EIF3CL: variants seen among roughly 807,000 people sequenced by gnomAD.
EIF3CL encodes eukaryotic translation initiation factor 3 subunit C like.
For synonymous variants in EIF3CL, 2 were observed against 19.6 expected (o/e 0.10, Z 2.37); for missense variants, 5 against 56.1 (o/e 0.09, Z 2.91).
intron 15 of EIF3CL, among the ~76,000 whole-genome samples, chr16:28,386,840 TACACACACACCCCCTAAAAGAG>T: frequency 4.7e-5 from 2 of 42,574 alleles, no homozygotes; most frequent in Non-Finnish European, 4.3e-5. Flanking sequence ...CCCTAAAAGA[TACACACACACCCCCTAAAAGAG>T]ACACACACAC....
chr16:28,415,541 G>C, the EIF3CL span, among the ~76,000 whole-genome samples: 5 of 136,932 alleles, frequency 3.7e-5, 1 homozygote, highest in African/African-American at 1.4e-4. Context: ...CTTGAGGTCA[G>C]AAGTTGAAGA....
the EIF3CL span, among the ~76,000 whole-genome samples, chr16:28,417,821 T>G: frequency 1.4e-5 from 1 of 70,414 alleles, no homozygotes; most frequent in African/African-American, 5.3e-5. Context: ...AATAAAAAAA[T>G]AAATTTAAAA....
chr16:28,403,088 A>G (rs1167960079), intron 2 of EIF3CL, among the ~76,000 whole-genome samples: 3 of 145,220 alleles, frequency 2.1e-5, no homozygotes, highest in African/African-American at 5.0e-5. Context: ...AGGCATATAA[A>G]ATGTTTAAGC....
chr16:28,419,226 T>C, the EIF3CL span, among the ~76,000 whole-genome samples: 136 of 151,130 alleles, frequency 9.0e-4, 3 homozygotes, highest in East Asian at 0.013. Context: ...CAGGATGGTC[T>C]CAATCTCCTG....
At chr16:28,419,093 A>G in the EIF3CL span, among the ~76,000 whole-genome samples, 8,823 of 110,318 alleles carry the variant, frequency 0.08, 986 homozygotes, top group Non-Finnish European at 0.12. Context: ...TGCAACCTCT[A>G]CCTCCTGGGT....
the EIF3CL span, among the ~76,000 whole-genome samples, chr16:28,416,997 C>G: frequency 1.2e-4 from 11 of 92,410 alleles, no homozygotes; most frequent in East Asian, 3.6e-4. Flanking sequence ...CCAGCCGCCC[C>G]GTCCGGGAGG....
At chr16:28,416,772 C>G in the EIF3CL span, among the ~76,000 whole-genome samples, 3 of 113,036 alleles carry the variant, frequency 2.7e-5, no homozygotes, top group African/African-American at 3.2e-5. Context: ...GTCAGCCCCC[C>G]CACCCGGCCA....
chr16:28,415,606 C>T, the EIF3CL span, among the ~76,000 whole-genome samples: 3 of 117,680 alleles, frequency 2.5e-5, 1 homozygote, highest in South Asian at 2.6e-4. Flanking sequence ...AAAAATTAGC[C>T]GGGCATGGTG....
At chr16:28,417,190 T>TC in the EIF3CL span, among the ~76,000 whole-genome samples, 51 of 132,572 alleles carry the variant, frequency 3.8e-4, no homozygotes, top group African/African-American at 1.2e-3. Context: ...GGGAGGGAGG[T>TC]GGGGGGGGTC....
the EIF3CL span, among the ~76,000 whole-genome samples, chr16:28,417,692 G>A: frequency 9.5e-6 from 1 of 104,804 alleles, no homozygotes; most frequent in Non-Finnish European, 2.0e-5. Flanking sequence ...AAGGCCGCAG[G>A]GTCCTCTGCC....
At chr16:28,421,906 T>G in the EIF3CL span, among the ~76,000 whole-genome samples, 1 of 100,782 alleles carries the variant, frequency 9.9e-6, no homozygotes, top group Non-Finnish European at 2.1e-5. Flanking sequence ...ACTTGAGATG[T>G]GTCTCAATTT....
the EIF3CL span, among the ~76,000 whole-genome samples, chr16:28,423,895 C>T: frequency 2.6e-5 from 3 of 116,196 alleles, no homozygotes; most frequent in Admixed American, 3.1e-4. Context: ...TATCTCGGCT[C>T]ACTGCAAGCT....
At chr16:28,416,745 G>A in the EIF3CL span, among the ~76,000 whole-genome samples, 1 of 117,720 alleles carries the variant, frequency 8.5e-6, no homozygotes, top group Non-Finnish European at 1.9e-5. Flanking sequence ...ACCCCGTCCG[G>A]GAGGGAGGTG....
At chr16:28,417,486 G>A in the EIF3CL span, among the ~76,000 whole-genome samples, 1 of 122,792 alleles carries the variant, frequency 8.1e-6, no homozygotes, top group Non-Finnish European at 1.8e-5. Context: ...AAATTCCTCT[G>A]CCTTGGGATC....
the EIF3CL span, among the ~76,000 whole-genome samples, chr16:28,416,928 G>A: frequency 1.0e-5 from 1 of 98,312 alleles, no homozygotes; most frequent in Non-Finnish European, 2.2e-5. Flanking sequence ...CCGTCTGGGA[G>A]GTGAGGGGCG....
At chr16:28,418,980 T>C in the EIF3CL span, among the ~76,000 whole-genome samples, 1 of 147,842 alleles carries the variant, frequency 6.8e-6, no homozygotes, top group Non-Finnish European at 1.5e-5. Context: ...TCCAGGGATG[T>C]GATAATGCTT....
chr16:28,419,259 G>A, the EIF3CL span, among the ~76,000 whole-genome samples: 3 of 150,892 alleles, frequency 2.0e-5, no homozygotes, highest in East Asian at 1.9e-4. Flanking sequence ...GCCTGCCTTG[G>A]CCTCCCAAAG....
At chr16:28,385,546 A>T (rs1008911212) in intron 15 of EIF3CL, among the ~76,000 whole-genome samples, 2 of 91,404 alleles carry the variant, frequency 2.2e-5, no homozygotes, top group African/African-American at 7.3e-5. Context: ...ACAGCAATGA[A>T]GATAGTATGG....
At chr16:28,387,759 CTTT>C (rs548190992) in intron 15 of EIF3CL, among the ~76,000 whole-genome samples, 1 of 121,462 alleles carries the variant, frequency 8.2e-6, no homozygotes, top group Admixed American at 8.3e-5. Context: ...CCAGACACAG[CTTT>C]TTTTTTTTTT....
Sources: gnomAD v4.1 joint callset for allele counts (sites outside exome capture counted in the v4.1 genomes callset) on GRCh38, gnomAD v4.1.1 for gene constraint, MANE v1.5 for transcripts, NCBI Gene and HGNC (gene_info 2026-07-23, HGNC 2026-07-21) for gene names.